ERMP1: variants seen among roughly 807,000 people sequenced by gnomAD.
ERMP1 encodes endoplasmic reticulum metallopeptidase 1, also known as Felix-ina.
ERMP1 carries 86 observed loss-of-function variants against 92.0 expected under a neutral mutation model. The observed-to-expected ratio is 0.93, with a 90% confidence interval of 0.79 to 1.12. The LOEUF is 1.12. Ranked by LOEUF, ERMP1 falls within the 50% of genes most tolerant of loss-of-function variation. The probability of loss-of-function intolerance (pLI) is 0.00; values close to 1 mark genes in which losing one functional copy is unlikely to be tolerated. For synonymous variants in ERMP1, 530 were observed against 412.8 expected (o/e 1.28, Z -3.44); for missense variants, 1,342 against 1,116.3 (o/e 1.20, Z -2.88).
At chr9:5,792,536 C>T (rs1828241242) in intron 13 of ERMP1, among the ~76,000 whole-genome samples, 1 of 152,144 alleles carries the variant, frequency 6.6e-6, no homozygotes, top group Non-Finnish European at 1.5e-5. Context: ...GTCTCAACTT[C>T]TTTGAGAAAC....
chr9:5,812,842 T>C (rs760440582), intron 5 of ERMP1, 47 bp downstream of exon 5: 1 of 1,610,720 alleles, frequency 6.2e-7, no homozygotes, highest in Non-Finnish European at 8.5e-7. Context: ...AAATTTGCTT[T>C]TGATAAATAA....
intron 1 of ERMP1, among the ~76,000 whole-genome samples, chr9:5,832,021 C>A (rs1056922347): frequency 6.6e-6 from 1 of 151,638 alleles, no homozygotes; most frequent in South Asian, 2.1e-4. Context: ...ACTTCATGAG[C>A]TTTGACACAC....
intron 2 of ERMP1, among the ~76,000 whole-genome samples, chr9:5,827,854 T>C (rs890571656): frequency 2.0e-5 from 3 of 146,482 alleles, no homozygotes; most frequent in African/African-American, 7.7e-5. Context: ...GGTGGGCGCC[T>C]ATAGTCCCAG....
At chr9:5,835,663 G>A (rs529224652), upstream of ERMP1, among the ~76,000 whole-genome samples, 1 of 152,308 alleles carries the variant, frequency 6.6e-6, no homozygotes, top group Admixed American at 6.5e-5. Context: ...ACAGAGGTGG[G>A]TAGGAGCCAG....
intron 6 of ERMP1, among the ~76,000 whole-genome samples, chr9:5,840,160 C>T (rs746156693): frequency 6.6e-6 from 1 of 152,058 alleles, no homozygotes; most frequent in African/African-American, 2.4e-5. Context: ...GAGAATCACT[C>T]GAACCTGGGA....
At chr9:5,821,065 T>TTC (rs1335937824) in intron 4 of ERMP1, among the ~76,000 whole-genome samples, 1 of 152,186 alleles carries the variant, frequency 6.6e-6, no homozygotes, top group African/African-American at 2.4e-5. Flanking sequence ...AAATCTTTTG[T>TTC]ATGACACCCC....
chr9:5,798,350 G>C (rs1358856547), intron 12 of ERMP1, among the ~76,000 whole-genome samples: 1 of 152,020 alleles, frequency 6.6e-6, no homozygotes, highest in Admixed American at 6.6e-5. Context: ...CCGAGTACCT[G>C]GGATTACAGG....
At chr9:5,789,481 C>G (rs909627492) in intron 13 of ERMP1, among the ~76,000 whole-genome samples, 3 of 152,226 alleles carry the variant, frequency 2.0e-5, no homozygotes, top group Non-Finnish European at 4.4e-5. Flanking sequence ...ACTCATGAGC[C>G]CTTCTTCAGA....
intron 9 of ERMP1, 45 bp from the exon 10 acceptor site, chr9:5,805,262 G>T: frequency 2.1e-6 from 3 of 1,453,270 alleles, no homozygotes; most frequent in Non-Finnish European, 2.8e-6. Flanking sequence ...AAATCCTCCA[G>T]TGAGATATAA....
chr9:5,864,399 C>T (rs1206968431), intron 5 of ERMP1, among the ~76,000 whole-genome samples: 1 of 152,136 alleles, frequency 6.6e-6, no homozygotes, highest in Non-Finnish European at 1.5e-5. Context: ...TCCAGTACCC[C>T]CACTCACCCT....
intron 8 of ERMP1, among the ~76,000 whole-genome samples, chr9:5,809,784 C>T (rs908389497): frequency 9.2e-5 from 14 of 152,212 alleles, no homozygotes; most frequent in African/African-American, 2.9e-4. Flanking sequence ...GTCACCACCA[C>T]CCTAACACTG....
chr9:5,839,212 A>T (rs530113465), intron 6 of ERMP1, among the ~76,000 whole-genome samples: 2 of 152,254 alleles, frequency 1.3e-5, no homozygotes, highest in Non-Finnish European at 2.9e-5. Context: ...TGAACCAATT[A>T]AAAAAAACTG....
intron 2 of ERMP1, among the ~76,000 whole-genome samples, chr9:5,828,241 T>C (rs1180610329): frequency 6.6e-6 from 1 of 152,240 alleles, no homozygotes; most frequent in Non-Finnish European, 1.5e-5. Context: ...GCACTATGTT[T>C]GTAAAGAGTA....
intron 9 of ERMP1, 49 bp from the exon 10 acceptor site, chr9:5,805,266 GAT>G: frequency 1.4e-6 from 2 of 1,433,848 alleles, no homozygotes. Context: ...CCTCCAGTGA[GAT>G]ATAAATTTTT....
At position 5,833,088 on chromosome 9, in the gene ERMP1, G is replaced by T; in HGVS notation, c.-61C>A. The T allele has an allele frequency of 7.4e-7, 1 of 1,355,336 alleles. No individual in the cohort carries two copies. The highest frequency in any genetic ancestry group is 9.5e-7 in the Non-Finnish European group (1 of 1,049,626). The allele number at this position is 1,355,336 out of a possible 1,614,324, so 84.0% of individuals were successfully genotyped here. On this transcript the variant is annotated 5_prime_UTR_variant, in exon 1 of 15. Coordinates refer to ENST00000339450, the MANE Select transcript of ERMP1 (RefSeq NM_024896.3). Reference sequence around the variant, plus strand: ...ACCCGCGACAGCCCCGGCCGCCGCCGACGCCGCCGTCGCTGCCGCAGCGCC... The same window carrying T: ...ACCCGCGACAGCCCCGGCCGCCGCCTACGCCGCCGTCGCTGCCGCAGCGCC...
At chr9:5,802,450 T>C (rs942920481) in intron 10 of ERMP1, among the ~76,000 whole-genome samples, 1 of 152,122 alleles carries the variant, frequency 6.6e-6, no homozygotes, top group African/African-American at 2.4e-5. Flanking sequence ...AGAGGCACGA[T>C]CTCAGCTCAC....
chr9:5,840,878 T>C (rs964617571), intron 6 of ERMP1, among the ~76,000 whole-genome samples: 9 of 152,254 alleles, frequency 5.9e-5, no homozygotes, highest in South Asian at 2.1e-4. Flanking sequence ...TGCTCTGTAG[T>C]TGGCTAGGTG....
chr9:5,797,979 G>A (rs1306134671), intron 12 of ERMP1, 47 bp from the exon 13 acceptor site: 4 of 1,155,750 alleles, frequency 3.5e-6, no homozygotes, highest in Non-Finnish European at 5.2e-6. Context: ...ATTATTTGAT[G>A]GCTATCTGTA....
chr9:5,801,153 A>T, intron 11 of ERMP1, 23 bp downstream of exon 11: 1 of 1,597,448 alleles, frequency 6.3e-7, no homozygotes, highest in South Asian at 1.1e-5. Context: ...CAGATCTCAA[A>T]TACCTCATGC....
Sources: allele counts gnomAD v4.1 joint callset (sites outside exome capture counted in the v4.1 genomes callset), GRCh38; gene constraint gnomAD v4.1.1; transcripts MANE v1.5; gene names NCBI Gene and HGNC (gene_info 2026-07-23, HGNC 2026-07-21).